The following IRF8 variants were observed in gnomAD, a reference collection of about 807,000 sequenced individuals.
IRF8 encodes interferon consensus sequence binding protein 1.
Under a neutral mutation model 48.7 loss-of-function variants are expected in IRF8, and 14 were observed. That is an observed-to-expected ratio of 0.29 (90% CI 0.19 to 0.45). The LOEUF (loss-of-function observed/expected upper bound fraction) is 0.45, where lower values mean the gene tolerates loss of function less well. Among genes scored for constraint, IRF8 ranks in the 20% least tolerant of loss-of-function variants. The pLI, the probability that IRF8 is intolerant of heterozygous loss-of-function variation, is 1.00. For synonymous variants in IRF8, 278 were observed against 227.3 expected (o/e 1.22, Z -2.01); for missense variants, 493 against 580.7 (o/e 0.85, Z 1.55).
intron 6 of IRF8, 35 bp downstream of exon 6, chr16:85,914,555 A>G (rs1334492341): frequency 3.7e-6 from 6 of 1,612,804 alleles, no homozygotes; most frequent in East Asian, 2.2e-5. Context: ...GGGCGTGGGC[A>G]CTGTTTGAAG....
intron 2 of IRF8, chr16:85,903,425 A>C: frequency 1.9e-6 from 1 of 536,926 alleles, no homozygotes; most frequent in Non-Finnish European, 3.3e-6. Context: ...AGGAGATCGA[A>C]GGCTCTTTTC....
chr16:85,918,448 TG>T lies in IRF8; in HGVS notation c.638del (p.Gly213AlafsTer19). On this transcript the variant is annotated frameshift_variant, in exon 7 of 9. Transcript: ENST00000268638. LOFTEE classifies it high-confidence loss of function. ...FSQMVISFYY[G>X]GKLVGQATTT... Reference sequence around the variant, plus strand: ...CCCAGATGGTGATCAGCTTCTACTATGGGGGCAAGCTGGTGGGCCAGGCCAC... The same window carrying T: ...CCCAGATGGTGATCAGCTTCTACTATGGGGCAAGCTGGTGGGCCAGGCCAC... 6.3e-7 allele frequency: 1 copy of T among 1,593,706 alleles called. No individual in the cohort carries two copies. Among genetic ancestry groups the T allele is most frequent in the Non-Finnish European group, 8.5e-7 (1 of 1,177,362 alleles).
intron 3 of IRF8, chr16:85,909,402 A>G (rs1905084353): frequency 1.8e-6 from 1 of 557,992 alleles, no homozygotes; most frequent in African/African-American, 1.9e-5. Flanking sequence ...TTGCTGCCTG[A>G]CCACAGACAT....
intron 2 of IRF8, among the ~76,000 whole-genome samples, chr16:85,906,959 A>C (rs1905024423): frequency 1.3e-5 from 2 of 152,198 alleles, no homozygotes; most frequent in Admixed American, 1.3e-4. Flanking sequence ...TAAAGTAATA[A>C]AAATTTGAAA....
At chr16:85,916,374 G>A (rs1222379610) in intron 6 of IRF8, among the ~76,000 whole-genome samples, 5 of 152,192 alleles carry the variant, frequency 3.3e-5, no homozygotes, top group East Asian at 1.9e-4. Context: ...TGGTCAGGCC[G>A]TTCCCCAGCA....
chr16:85,917,868 A>G (rs1905369117), intron 6 of IRF8, among the ~76,000 whole-genome samples: 1 of 152,252 alleles, frequency 6.6e-6, no homozygotes, highest in Admixed American at 6.5e-5. Context: ...CTCTTTCCTG[A>G]GAACAGATTT....
chr16:85,902,222 C>T (rs1480246438), intron 1 of IRF8, among the ~76,000 whole-genome samples: 1 of 152,024 alleles, frequency 6.6e-6, no homozygotes, highest in Non-Finnish European at 1.5e-5. Context: ...TTCAGTTGGT[C>T]GTAGGAGTTG....
In IRF8 at chr16:85,911,630, G is replaced by T; in HGVS notation, c.419G>T (p.Arg140Leu). 2 of 1,614,044 alleles carry T rather than the reference G, an allele frequency of 1.2e-6. No homozygotes were observed. The highest frequency in any genetic ancestry group is 1.7e-6 in the Non-Finnish European group (2 of 1,179,930). ...GAAGTTACAGAGATGGAGTGCGGTC[G>T]CTCTGAAATCGACGAGCTGATCAAG... ...VNEVTEMECG[R>L]SEIDELIKEP... The change falls in exon 4 of 9, where the codon CGC becomes CTC. Residue 140 changes from arginine to leucine, a missense_variant. Physicochemically the swap from Arg to Leu is moderately radical, Grantham distance 102. Coordinates refer to ENST00000268638, the MANE Select transcript of IRF8 (RefSeq NM_002163.4).
At chr16:85,916,814 G>C (rs1286981465) in intron 6 of IRF8, among the ~76,000 whole-genome samples, 2 of 152,228 alleles carry the variant, frequency 1.3e-5, no homozygotes, top group Admixed American at 6.5e-5. Flanking sequence ...GACTTGGCGT[G>C]GGGGGAAGAT....
chr16:85,902,392 A>G (rs1404482586), intron 1 of IRF8, among the ~76,000 whole-genome samples: 1 of 152,178 alleles, frequency 6.6e-6, no homozygotes. Context: ...CCTGAGTTTA[A>G]ATGCTGATCC....
At chr16:85,905,771 C>T (rs998925366) in intron 2 of IRF8, among the ~76,000 whole-genome samples, 6 of 152,350 alleles carry the variant, frequency 3.9e-5, no homozygotes, top group South Asian at 2.1e-4. Flanking sequence ...ACACTTGTTT[C>T]TTTCAACTGT....
At chr16:85,908,629 T>C (rs1280988266) in intron 2 of IRF8, among the ~76,000 whole-genome samples, 2 of 152,354 alleles carry the variant, frequency 1.3e-5, no homozygotes, top group South Asian at 2.1e-4. Flanking sequence ...TGAAACCATA[T>C]GCAACTTCCT....
chr16:85,901,733 C>G (rs766338255), intron 1 of IRF8, among the ~76,000 whole-genome samples: 7 of 152,156 alleles, frequency 4.6e-5, no homozygotes, highest in Non-Finnish European at 8.8e-5. Flanking sequence ...GGCCCTGTTT[C>G]CCGTCTCATG....
At chr16:85,902,253 A>G (rs1390533908) in intron 1 of IRF8, among the ~76,000 whole-genome samples, 1 of 152,148 alleles carries the variant, frequency 6.6e-6, no homozygotes, top group African/African-American at 2.4e-5. Context: ...AAGTTTGGAT[A>G]ATAATAATGA....
intron 2 of IRF8, among the ~76,000 whole-genome samples, chr16:85,904,810 A>ATTTTTTTTTTTTTTTTTTTTTTTTTT (rs1418168585): frequency 3.1e-5 from 2 of 64,624 alleles, no homozygotes; most frequent in Admixed American, 2.9e-4. Flanking sequence ...TTGATTGCAG[A>ATTTTTTTTTTTTTTTTTTTTTTTTTT]TCTTTTTTTT....
intron 7 of IRF8, 99 bp from the exon 8 acceptor site, chr16:85,920,010 T>C (rs1268641353): frequency 3.4e-6 from 3 of 880,720 alleles, no homozygotes; most frequent in Non-Finnish European, 5.6e-6. Flanking sequence ...GCCTAAATGC[T>C]ACAAGCCCTG....
intron 4 of IRF8, among the ~76,000 whole-genome samples, chr16:85,912,902 G>A (rs541598095): frequency 5.6e-4 from 85 of 152,354 alleles, no homozygotes; most frequent in Admixed American, 5.9e-4. Flanking sequence ...ACTTATTAGT[G>A]GCCCCCAAAG....
At position 85,921,391 on chromosome 16, in the gene IRF8, C is replaced by T; in HGVS notation, c.*109C>T. 4.2e-6 allele frequency: 5 copies of T among 1,182,880 alleles called. No homozygotes were observed. The highest frequency in any genetic ancestry group is 1.2e-5 in the South Asian group (1 of 81,730). The allele number at this position is 1,182,880 out of a possible 1,614,324, so 73.3% of individuals were successfully genotyped here. On this transcript the variant is annotated 3_prime_UTR_variant, in exon 9 of 9. Transcript: ENST00000268638. ...GGATCCCTCTGTCTGGGGTGGGATG[C>T]CTTACTTTGCACTTAATTTAATAAG... is the stretch of plus-strand genomic sequence containing the variant.
intron 2 of IRF8, among the ~76,000 whole-genome samples, chr16:85,908,703 G>A (rs1206218024): frequency 6.6e-6 from 1 of 152,192 alleles, no homozygotes; most frequent in East Asian, 1.9e-4. Context: ...TGGCTAAAAG[G>A]TGCACTCCAG....
Sources: gnomAD v4.1 joint callset for allele counts (sites outside exome capture counted in the v4.1 genomes callset) on GRCh38, gnomAD v4.1.1 for gene constraint, MANE v1.5 for transcripts, NCBI Gene and HGNC (gene_info 2026-07-23, HGNC 2026-07-21) for gene names.